The following TP73 variants were observed in gnomAD, a reference collection of about 807,000 sequenced individuals.
TP73 encodes the protein tumor protein p73, also known as p53-like transcription factor.
A neutral mutation model predicts 62.5 loss-of-function variants in TP73; 25 were observed. The ratio of observed to expected loss-of-function variants is 0.40; its 90% CI spans 0.29 to 0.56. The LOEUF (loss-of-function observed/expected upper bound fraction) is 0.56. Ranked by LOEUF, TP73 falls within the 20% of genes least tolerant of loss-of-function variation. The pLI is 0.46. For missense variants in TP73, 754 were observed against 913.3 expected (o/e 0.83, Z 2.25); for synonymous variants, 423 against 377.5 (o/e 1.12, Z -1.40).
intron 4 of TP73, among the ~76,000 whole-genome samples, chr1:3,710,218 C>T (rs1325101517): frequency 6.9e-6 from 1 of 145,014 alleles, no homozygotes; most frequent in South Asian, 2.2e-4. Context: ...GGTGGGGGGG[C>T]GCGAACTGGG....
chr1:3,731,200 G>A (rs1642113943), intron 12 of TP73, 135 bp downstream of exon 12: 2 of 1,298,762 alleles, frequency 1.5e-6, no homozygotes, highest in African/African-American at 1.5e-5. Context: ...GGCGGGCGGG[G>A]GCAGTCAGGC....
At chr1:3,706,484 CAATCACGGTGCCCGCCGCAGGCCCGGG>C (rs1305235287) in intron 3 of TP73, among the ~76,000 whole-genome samples, 4 of 148,958 alleles carry the variant, frequency 2.7e-5, no homozygotes, top group Non-Finnish European at 4.4e-5. Flanking sequence ...GTAATAGGGA[CAATCACGGTGCCCGCCGCAGGCCCGGG>C]GAGAGGGGGG....
In TP73 at chr1:3,663,060, C is replaced by T. The variant is rs1260030290; in HGVS notation, c.-34+10419C>T. 5.3e-5 allele frequency among the ~76,000 whole-genome samples: 8 copies of T among 152,208 alleles called. No individual in the cohort carries two copies. Among genetic ancestry groups the T allele is most frequent in the Non-Finnish European group, 8.8e-5 (6 of 68,038 alleles). The stretch of plus-strand genomic sequence containing the variant: ...GGCTTTGCTGATCATTATCTGGAAA[C>T]AGTGATCACTGTCCCATTCACAGAT... On this transcript the variant is annotated intron_variant, in intron 1 of 13. Coordinates refer to ENST00000378295, the MANE Select transcript of TP73 (RefSeq NM_005427.4). This position sits in a 1 kb window ranked among gnomAD's most constrained non-coding sequence, Gnocchi z 4.7.
Position 3,696,947 on chromosome 1 carries a change from G to A in TP73, c.187-10602G>A, listed in dbSNP as rs1638714577. 6.6e-6 allele frequency among the ~76,000 whole-genome samples: 1 copy of A among 151,968 alleles called. No homozygotes were observed. Among genetic ancestry groups the A allele is most frequent in the African/African-American group, 2.4e-5 (1 of 41,352 alleles). On this transcript the variant is annotated intron_variant, in intron 3 of 13. Coordinates refer to ENST00000378295, the MANE Select transcript of TP73 (RefSeq NM_005427.4). The surrounding 1 kb of genome is among the most constrained non-coding windows in gnomAD (Gnocchi z 4.1). ...TGTCTCCTTTGTTCTGTCCCCCATT[G>A]GACCTCCCCCCAGTCACCAGCCTAA...
chr1:3,735,211 A>T lies in TP73; in HGVS notation c.*2132A>T, dbSNP rs1275186776. ...CTCCTGAAGCCCCCACTCTTCCCCC[A>T]TGTTCCACTTCAGGAGCCGCGGGGG... On this transcript the variant is annotated 3_prime_UTR_variant, in exon 14 of 14. Transcript: ENST00000378295. 1 of 152,210 alleles carries T rather than the reference A, an allele frequency of 6.6e-6. No individual in the cohort carries two copies. The highest frequency in any genetic ancestry group is 2.4e-5 in the African/African-American group (1 of 41,412). 9.4% of individuals were successfully genotyped at this position (152,210 alleles called of 1,614,324 possible).
rs989416613 is a variant in TP73 at position 3,701,068 on chromosome 1, G to A, written c.187-6481G>A. On this transcript the variant is annotated intron_variant, in intron 3 of 13. Transcript: ENST00000378295. The surrounding 1 kb of genome is among the most constrained non-coding windows in gnomAD (Gnocchi z 4.7). ...CCGACATGGCGGGCAGTGGCACACC[G>A]TGGCCACTTCCCCCAGTTGGATGGC... Among the ~76,000 whole-genome samples, 33 of 152,284 alleles carry A rather than the reference G, an allele frequency of 2.2e-4. No homozygotes were observed. Among genetic ancestry groups the A allele is most frequent in the South Asian group, 4.1e-4 (2 of 4,824 alleles).
rs770878554 is a variant in TP73 at position 3,683,142 on chromosome 1, G to T, written c.148G>T (p.Asp50Tyr). ...EVVGGTDSSMDVFHLEGMTTS... is the reference protein window; with the variant it reads ...EVVGGTDSSMYVFHLEGMTTS... ...GGTGGGCGGAACGGATTCCAGCATG[G>T]ACGTCTTCCACCTGGAGGGCATGAC... is the stretch of plus-strand genomic sequence containing the variant. Residue 50 changes from aspartate to tyrosine, a missense_variant, in exon 3 of 14, where the codon GAC (aspartate) becomes TAC (tyrosine). By Grantham distance (160) the Asp-to-Tyr change is radical (BLOSUM62 -3). Around this residue, in one of 3 missense-constraint regions of TP73, gnomAD observed 235 missense variants for 251.4 expected, o/e 0.93. Transcript: ENST00000378295. 64 of 1,612,542 alleles carry T rather than the reference G, an allele frequency of 4.0e-5. No individual in the cohort carries two copies. The highest frequency in any genetic ancestry group is 5.2e-5 in the Non-Finnish European group (61 of 1,178,998).
intron 1 of TP73, among the ~76,000 whole-genome samples, chr1:3,674,309 G>C (rs1484981030): frequency 6.6e-6 from 1 of 152,240 alleles, no homozygotes; most frequent in East Asian, 1.9e-4. Flanking sequence ...GCCCAGGAGA[G>C]AGAGGGCAGC....
intron 11 of TP73, 83 bp from the exon 12 acceptor site, chr1:3,730,844 C>T: frequency 6.7e-7 from 1 of 1,483,340 alleles, no homozygotes; most frequent in Admixed American, 2.2e-5. Flanking sequence ...CCCTGGTGTC[C>T]AGAGGTGTCT....
chr1:3,690,639 G>A, intron 3 of TP73: 2 of 1,372,296 alleles, frequency 1.5e-6, no homozygotes, highest in Non-Finnish European at 1.9e-6. Flanking sequence ...ATACTCATGA[G>A]GAATAAAGGG....
At chr1:3,657,756 G>A (rs761112248) in intron 1 of TP73, among the ~76,000 whole-genome samples, 7 of 152,186 alleles carry the variant, frequency 4.6e-5, no homozygotes, top group Non-Finnish European at 1.0e-4. Context: ...GGCACAGCCG[G>A]GGATGGGCAG....
chr1:3,688,849 G>T (rs1442505756), intron 3 of TP73, among the ~76,000 whole-genome samples: 3 of 152,144 alleles, frequency 2.0e-5, no homozygotes, highest in Non-Finnish European at 2.9e-5. Context: ...CGTGCTGAAG[G>T]CAGCCTGGCT....
chr1:3,667,874 T>G (rs1645156593), intron 1 of TP73, among the ~76,000 whole-genome samples: 1 of 152,252 alleles, frequency 6.6e-6, no homozygotes, highest in Non-Finnish European at 1.5e-5. Context: ...GGAATAGCTT[T>G]GCAACCCTTG....
intron 6 of TP73, among the ~76,000 whole-genome samples, chr1:3,724,844 C>T (rs1181597440): frequency 1.3e-5 from 2 of 152,188 alleles, no homozygotes; most frequent in African/African-American, 4.8e-5. Flanking sequence ...CAGGGCGAAA[C>T]CCTGTCTGTA....
chr1:3,716,796 G>A (rs1026745127), intron 4 of TP73, among the ~76,000 whole-genome samples: 2 of 152,138 alleles, frequency 1.3e-5, no homozygotes, highest in African/African-American at 2.4e-5. Flanking sequence ...TGTGTTTTAG[G>A]GGGTCCATCT....
At chr1:3,679,807 CTCTCTG>C (rs61542341) in intron 1 of TP73, among the ~76,000 whole-genome samples, 36,760 of 136,982 alleles carry the variant, frequency 0.27, 5,693 homozygotes, top group East Asian at 0.39. Context: ...TTGTCCCTGT[CTCTCTG>C]TCTCTGTCTC....
intron 1 of TP73, among the ~76,000 whole-genome samples, chr1:3,678,105 T>C (rs1645416170): frequency 2.0e-5 from 3 of 152,240 alleles, no homozygotes; most frequent in African/African-American, 7.2e-5. Flanking sequence ...TCTTATGAAA[T>C]TGGTCTCCTT....
At chr1:3,721,886 C>A in intron 4 of TP73, 135 bp from the exon 5 acceptor site, 1 of 893,664 alleles carries the variant, frequency 1.1e-6, no homozygotes, top group Non-Finnish European at 1.7e-6. Context: ...AGCAGAGGGG[C>A]TGCTTGGGGC....
At chr1:3,665,145 C>G (rs906372352) in intron 1 of TP73, among the ~76,000 whole-genome samples, 6 of 152,098 alleles carry the variant, frequency 3.9e-5, no homozygotes, top group African/African-American at 1.4e-4. Flanking sequence ...CCAACCAGTC[C>G]CCTCATAATT....
Sources: gnomAD v4.1 joint callset for allele counts (sites outside exome capture counted in the v4.1 genomes callset) on GRCh38, gnomAD v4.1.1 for gene constraint, gnomAD v4.1.1 regional missense constraint, Gnocchi (gnomAD v3.1) non-coding constraint, MANE v1.5 for transcripts, NCBI Gene and HGNC (gene_info 2026-07-23, HGNC 2026-07-21) for gene names.